The following MCU variants were observed in gnomAD, a reference collection of about 807,000 sequenced individuals.
MCU encodes the protein calcium uniporter protein, mitochondrial.
MCU carries 12 observed loss-of-function variants against 45.2 expected under a neutral mutation model. That is an observed-to-expected ratio of 0.27 (90% CI 0.17 to 0.43). The LOEUF is 0.43. Ranked by LOEUF, MCU falls within the 20% of genes least tolerant of loss-of-function variation. The pLI is 1.00. For synonymous variants in MCU, 160 were observed against 165.1 expected, an observed-to-expected ratio of 0.97 and a Z score of 0.24; for missense variants, 324 against 436.7, an observed-to-expected ratio of 0.74 and a Z score of 2.30.
At chr10:72,754,586 A>G (rs1011634230) in intron 1 of MCU, among the ~76,000 whole-genome samples, 1 of 152,172 alleles carries the variant, frequency 6.6e-6, no homozygotes, top group Non-Finnish European at 1.5e-5. Context: ...GTCTTTACAA[A>G]GAATTAAAAA....
chr10:72,757,926 A>C (rs1843601924), intron 1 of MCU, among the ~76,000 whole-genome samples: 2 of 152,270 alleles, frequency 1.3e-5, no homozygotes, highest in Admixed American at 1.3e-4. Flanking sequence ...GCAGTGGCTT[A>C]GAACACTTGC....
intron 1 of MCU, among the ~76,000 whole-genome samples, chr10:72,723,746 A>G (rs1843055670): frequency 6.6e-6 from 1 of 152,158 alleles, no homozygotes; most frequent in Non-Finnish European, 1.5e-5. Context: ...TTCAAAATAT[A>G]TATATTTTTT....
chr10:72,825,528 T>C (rs1844785795), intron 1 of MCU, among the ~76,000 whole-genome samples: 1 of 152,212 alleles, frequency 6.6e-6, no homozygotes, highest in Admixed American at 6.5e-5. Flanking sequence ...TACCTGTGTT[T>C]TATCAGTATT....
chr10:72,824,127 G>A (rs1204409777), intron 1 of MCU, among the ~76,000 whole-genome samples: 4 of 151,830 alleles, frequency 2.6e-5, no homozygotes, highest in South Asian at 4.1e-4. Flanking sequence ...TTGTTCTTAC[G>A]GTATTCCTAC....
chr10:72,834,895 G>A lies in MCU; in HGVS notation c.220+467G>A, dbSNP rs1292855706. On this transcript the variant is annotated intron_variant, in intron 2 of 7. Transcript: ENST00000373053. Reference sequence around the variant, plus strand: ...GACTAGTCTCGAACCCACGTGATCCGCCCACCTCGGCCTCCCAAAGTGCTG... The same window carrying A: ...GACTAGTCTCGAACCCACGTGATCCACCCACCTCGGCCTCCCAAAGTGCTG... Among the ~76,000 whole-genome samples, 5 of 152,026 alleles carry A rather than the reference G, an allele frequency of 3.3e-5. No individual in the cohort carries two copies. The South Asian group carries it at 8.3e-4, about 25-fold the overall frequency.
intron 1 of MCU, among the ~76,000 whole-genome samples, chr10:72,804,623 G>C (rs570549717): frequency 1.4e-3 from 217 of 151,726 alleles, no homozygotes; most frequent in Non-Finnish European, 2.7e-3. Context: ...TTGTTTTTTT[G>C]TTGTAGATCA....
chr10:72,761,246 G>A (rs1040497129), intron 1 of MCU, among the ~76,000 whole-genome samples: 5 of 152,114 alleles, frequency 3.3e-5, no homozygotes, highest in Non-Finnish European at 5.9e-5. Flanking sequence ...AATGAGAAGC[G>A]TCAGAAAATG....
rs771008301 is a variant in MCU at position 72,884,305 on chromosome 10, C to T, written c.901C>T (p.Leu301=). 1.9e-6 allele frequency: 3 copies of T among 1,611,552 alleles called. No individual in the cohort carries two copies. Among genetic ancestry groups the T allele is most frequent in the African/African-American group, 2.7e-5 (2 of 74,812 alleles). Residue 301 remains leucine, a synonymous_variant, in exon 7 of 8, where the codon CTA becomes TTA. Coordinates refer to ENST00000373053, the MANE Select transcript of MCU (RefSeq NM_138357.3). ...YPEARDRQYL[L]FFHKGAKKSR... ...AGAAGCCAGAGACAGACAATACTTACTATTTTTCCATAAAGGAGCCAAAAA... is the reference window on the plus strand; with the variant it reads ...AGAAGCCAGAGACAGACAATACTTATTATTTTTCCATAAAGGAGCCAAAAA...
At chr10:72,839,347 T>G (rs1000246938) in intron 2 of MCU, among the ~76,000 whole-genome samples, 2 of 152,086 alleles carry the variant, frequency 1.3e-5, no homozygotes, top group African/African-American at 4.8e-5. Context: ...TAGCAAATTT[T>G]TTTTTTTAAG....
chr10:72,884,728 T>C (rs1320401304), intron 7 of MCU, among the ~76,000 whole-genome samples: 1 of 152,038 alleles, frequency 6.6e-6, no homozygotes, highest in Non-Finnish European at 1.5e-5. Flanking sequence ...TCTGTAATAA[T>C]TTATCTAAGA....
rs76813248 is a variant in MCU at position 72,728,638 on chromosome 10, A to C, written c.150+36337A>C. ...TCTTATACTTACAACAGGAAAGAAG[A>C]GCAGGATAGCTAATGTGGTGGGAGT... is the stretch of plus-strand genomic sequence containing the variant. On this transcript the variant is annotated intron_variant, in intron 1 of 7. Transcript: ENST00000373053. Among the ~76,000 whole-genome samples the C allele has an allele frequency of 7.6e-3, 1,156 of 152,272 alleles. 10 individuals carry two copies. Among genetic ancestry groups the C allele is most frequent in the Non-Finnish European group, 0.012 (846 of 68,024 alleles).
chr10:72,839,895 C>A (rs1002079752), intron 2 of MCU, among the ~76,000 whole-genome samples: 3 of 133,410 alleles, frequency 2.2e-5, no homozygotes, highest in African/African-American at 8.5e-5. Flanking sequence ...ACCCAGGAGG[C>A]GGAGCTTGCT....
intron 1 of MCU, among the ~76,000 whole-genome samples, chr10:72,713,309 C>T (rs1842917431): frequency 2.0e-5 from 3 of 152,154 alleles, no homozygotes; most frequent in Non-Finnish European, 1.5e-5. Context: ...GACGAAGTCT[C>T]ACTCTTGTTC....
intron 1 of MCU, among the ~76,000 whole-genome samples, chr10:72,827,410 A>T (rs906697290): frequency 6.6e-6 from 1 of 152,246 alleles, no homozygotes; most frequent in South Asian, 2.1e-4. Context: ...TGTATTCTGT[A>T]TCAAAAAATG....
intron 1 of MCU, among the ~76,000 whole-genome samples, chr10:72,796,906 T>C (rs1844256794): frequency 6.6e-6 from 1 of 152,110 alleles, no homozygotes. Flanking sequence ...ATTTTCTGAT[T>C]TTGTTTTATT....
chr10:72,698,081 C>T (rs1842712865), intron 1 of MCU, among the ~76,000 whole-genome samples: 1 of 152,054 alleles, frequency 6.6e-6, no homozygotes, highest in Non-Finnish European at 1.5e-5. Flanking sequence ...ACATCCAGCA[C>T]AAAATCATGC....
intron 2 of MCU, among the ~76,000 whole-genome samples, chr10:72,850,839 A>C (rs1012265016): frequency 2.6e-5 from 4 of 152,238 alleles, no homozygotes; most frequent in Non-Finnish European, 5.9e-5. Context: ...CATGGAAATC[A>C]AAGCAAAAGA....
intron 1 of MCU, among the ~76,000 whole-genome samples, chr10:72,778,092 C>T (rs1464664134): frequency 1.3e-5 from 2 of 152,148 alleles, no homozygotes; most frequent in Non-Finnish European, 2.9e-5. Flanking sequence ...TAAATTACTA[C>T]AGCCACTATG....
chr10:72,755,336 C>T (rs900229305), intron 1 of MCU, among the ~76,000 whole-genome samples: 2 of 151,780 alleles, frequency 1.3e-5, no homozygotes, highest in African/African-American at 4.8e-5. Context: ...TTAGTAGAGA[C>T]GGGGTTTCAG....
Sources: allele counts gnomAD v4.1 joint callset (sites outside exome capture counted in the v4.1 genomes callset), GRCh38; gene constraint gnomAD v4.1.1; transcripts MANE v1.5; gene names NCBI Gene and HGNC (gene_info 2026-07-23, HGNC 2026-07-21).